TOX: variants seen among roughly 807,000 people sequenced by gnomAD.
TOX encodes the protein thymocyte selection-associated high mobility group box protein TOX.
A neutral mutation model predicts 53.7 loss-of-function variants in TOX; 11 were observed. That is an observed-to-expected ratio of 0.20 (90% CI 0.13 to 0.34). TOX has a LOEUF of 0.34. TOX is among the 10% of genes least tolerant of loss of function. TOX has a pLI of 1.00. For missense variants in TOX, 570 were observed against 664.6 expected (o/e 0.86, Z 1.56); for synonymous variants, 225 against 245.3 (o/e 0.92, Z 0.77).
intron 1 of TOX, among the ~76,000 whole-genome samples, chr8:59,022,939 A>AGGTGAAAAGCTTC (rs1814162915): frequency 6.6e-6 from 1 of 152,198 alleles, no homozygotes; most frequent in Admixed American, 6.5e-5. Context: ...GGGAGGTGAA[A>AGGTGAAAAGCTTC]GGTGAAAAGC....
chr8:58,837,114 T>C (rs1161880824), intron 5 of TOX, among the ~76,000 whole-genome samples: 1 of 152,192 alleles, frequency 6.6e-6, no homozygotes, highest in Non-Finnish European at 1.5e-5. Flanking sequence ...TCCTTCTAGA[T>C]GCATAAATAA....
At chr8:58,849,337 G>A (rs1810769926) in intron 4 of TOX, among the ~76,000 whole-genome samples, 1 of 152,078 alleles carries the variant, frequency 6.6e-6, no homozygotes, top group African/African-American at 2.4e-5. Context: ...AAACTTTCCT[G>A]CATTGATAAT....
intron 3 of TOX, among the ~76,000 whole-genome samples, chr8:58,932,060 GCAAA>G (rs1812263601): frequency 6.6e-6 from 1 of 151,966 alleles, no homozygotes; most frequent in Admixed American, 6.6e-5. Context: ...TCTGTTTTGT[GCAAA>G]CAAAGATCTT....
intron 3 of TOX, among the ~76,000 whole-genome samples, chr8:58,859,348 T>C (rs1284668517): frequency 1.3e-5 from 2 of 152,308 alleles, no homozygotes; most frequent in East Asian, 1.9e-4. Flanking sequence ...TTATCCTCAG[T>C]ATTTTAATTT....
chr8:58,814,722 T>A (rs1810144664), intron 7 of TOX, among the ~76,000 whole-genome samples: 1 of 152,168 alleles, frequency 6.6e-6, no homozygotes, highest in Non-Finnish European at 1.5e-5. Flanking sequence ...TGCACACAAA[T>A]GGTTTCAATA....
rs780108397 is a variant in TOX, at chr8:59,095,000, G to A, written c.102+23886C>T. ...AAAACGAAGAATAGTATTGGATGCT[G>A]TTATTCAAAGTTCACTGTCATTTGC... On this transcript the variant is annotated intron_variant, in intron 1 of 8. Coordinates refer to ENST00000361421, the MANE Select transcript of TOX (RefSeq NM_014729.3). Among the ~76,000 whole-genome samples, 4 of 152,188 alleles carry A rather than the reference G, an allele frequency of 2.6e-5. No individual in the cohort carries two copies. The South Asian group carries it at 8.3e-4, about 31-fold the overall frequency.
intron 1 of TOX, among the ~76,000 whole-genome samples, chr8:59,018,040 C>T (rs1326240259): frequency 2.0e-5 from 3 of 151,982 alleles, no homozygotes; most frequent in African/African-American, 7.2e-5. Flanking sequence ...TGCATAAAGG[C>T]TTTATTTTTT....
At chr8:59,075,664 G>A (rs1008018571) in intron 1 of TOX, among the ~76,000 whole-genome samples, 1 of 152,098 alleles carries the variant, frequency 6.6e-6, no homozygotes, top group Non-Finnish European at 1.5e-5. Flanking sequence ...CCCTACATCT[G>A]TAAATATAAA....
chr8:58,973,484 G>A (rs1813037247), intron 1 of TOX, among the ~76,000 whole-genome samples: 1 of 152,216 alleles, frequency 6.6e-6, no homozygotes, highest in Non-Finnish European at 1.5e-5. Flanking sequence ...CCACGCATCT[G>A]CTATTTTCTC....
chr8:58,991,066 G>GAGGCAGAAAGGAAGTGTACAGCT (rs1813436243), intron 1 of TOX, among the ~76,000 whole-genome samples: 1 of 152,160 alleles, frequency 6.6e-6, no homozygotes, highest in Non-Finnish European at 1.5e-5. Context: ...GAAGAAAATT[G>GAGGCAGAAAGGAAGTGTACAGCT]AGGCAGAAAG....
chr8:59,079,169 G>C (rs1038486895), intron 1 of TOX, among the ~76,000 whole-genome samples: 22 of 152,330 alleles, frequency 1.4e-4, no homozygotes, highest in African/African-American at 4.1e-4. Flanking sequence ...AAGGAAAGCA[G>C]AGCATAAAAG....
chr8:59,038,192 T>C (rs1803508093), intron 1 of TOX, among the ~76,000 whole-genome samples: 1 of 152,220 alleles, frequency 6.6e-6, no homozygotes, highest in African/African-American at 2.4e-5. Context: ...AAATATTACA[T>C]TTCGATCTGT....
At chr8:58,914,704 A>G (rs2129174278) in intron 3 of TOX, among the ~76,000 whole-genome samples, 1 of 152,324 alleles carries the variant, frequency 6.6e-6, no homozygotes, top group African/African-American at 2.4e-5. Context: ...AGGAGCCAAG[A>G]TGGCCGAATA....
intron 3 of TOX, among the ~76,000 whole-genome samples, chr8:58,893,053 CT>C (rs1423613935): frequency 6.6e-6 from 1 of 152,118 alleles, no homozygotes; most frequent in African/African-American, 2.4e-5. Flanking sequence ...AATAAATTGT[CT>C]TTATATTACT....
At position 58,976,045 on chromosome 8, in the gene TOX, C is replaced by T. The variant is rs150197404; in HGVS notation, c.103-16037G>A. On this transcript the variant is annotated intron_variant, in intron 1 of 8. Transcript: ENST00000361421. ...CGGGATTGCACCACTGCACTCTAGC[C>T]TGGAGACAGAGTGAGACTCCGTCTA... 1.0e-3 allele frequency among the ~76,000 whole-genome samples: 157 copies of T among 150,548 alleles called. 2 individuals carry two copies. Among genetic ancestry groups the T allele is most frequent in the African/African-American group, 3.7e-3 (153 of 40,942 alleles).
intron 3 of TOX, among the ~76,000 whole-genome samples, chr8:58,892,498 A>G (rs1439317797): frequency 6.6e-6 from 1 of 152,180 alleles, no homozygotes; most frequent in African/African-American, 2.4e-5. Context: ...TAGTTGTATG[A>G]AGGATGTTAC....
chr8:59,039,872 A>G (rs1034884894), intron 1 of TOX, among the ~76,000 whole-genome samples: 2 of 152,214 alleles, frequency 1.3e-5, no homozygotes, highest in African/African-American at 4.8e-5. Context: ...GCTTGAAGAA[A>G]CAACACATTA....
At chr8:58,861,372 C>T (rs911473364) in intron 3 of TOX, among the ~76,000 whole-genome samples, 1 of 152,144 alleles carries the variant, frequency 6.6e-6, no homozygotes, top group Non-Finnish European at 1.5e-5. Context: ...TGCTCTGGGT[C>T]TACCTATGAT....
intron 4 of TOX, among the ~76,000 whole-genome samples, chr8:58,842,025 C>T (rs1810653335): frequency 6.6e-6 from 1 of 152,126 alleles, no homozygotes; most frequent in African/African-American, 2.4e-5. Context: ...AGATAAATTT[C>T]CTATCATGCA....
Sources: allele counts gnomAD v4.1 joint callset (sites outside exome capture counted in the v4.1 genomes callset), GRCh38; gene constraint gnomAD v4.1.1; transcripts MANE v1.5; gene names NCBI Gene and HGNC (gene_info 2026-07-23, HGNC 2026-07-21).